CMSS1: variants seen among roughly 807,000 people sequenced by gnomAD.
CMSS1 encodes the protein cms1 ribosomal small subunit homolog.
Under a neutral mutation model 43.5 loss-of-function variants are expected in CMSS1, and 33 were observed. The observed-to-expected ratio is 0.76, with a 90% CI of 0.57 to 1.01. The LOEUF (loss-of-function observed/expected upper bound fraction) is 1.01, where lower values mean the gene tolerates loss of function less well. Ranked by LOEUF, CMSS1 falls within the 50% of genes least tolerant of loss-of-function variation. CMSS1 has a pLI of 0.00. For missense variants in CMSS1, 313 were observed against 326.4 expected (o/e 0.96, Z 0.32); for synonymous variants, 115 against 117.2 (o/e 0.98, Z 0.12).
intron 1 of CMSS1, among the ~76,000 whole-genome samples, chr3:99,962,240 A>G (rs1486622594): frequency 6.6e-6 from 1 of 152,054 alleles, no homozygotes; most frequent in Non-Finnish European, 1.5e-5. Flanking sequence ...AGGAGTGGGG[A>G]AAACAGATGC....
intron 1 of CMSS1, among the ~76,000 whole-genome samples, chr3:99,825,558 A>G (rs1005567632): frequency 6.6e-6 from 1 of 152,174 alleles, no homozygotes; most frequent in African/African-American, 2.4e-5. Flanking sequence ...GTGGTTCTTG[A>G]CAACAATTAC....
At position 99,851,868 on chromosome 3, in the gene CMSS1, G is replaced by C. The variant is rs9871500; in HGVS notation, c.64+33825G>C. Among the ~76,000 whole-genome samples, 761 of 152,302 alleles carry C rather than the reference G, an allele frequency of 5.0e-3. 6 individuals are homozygous for C. The highest frequency in any genetic ancestry group is 0.017 in the African/African-American group (718 of 41,568). ...TCCTCATAGTGGATAGCAATTAAAT[G>C]AGGAGAATTGAGAGACATCTGTATG... is the stretch of plus-strand genomic sequence containing the variant. On this transcript the variant is annotated intron_variant, in intron 1 of 9. Coordinates refer to ENST00000421999, the MANE Select transcript of CMSS1 (RefSeq NM_032359.4).
At chr3:99,886,414 A>AAAAAAAAAAATCGG (rs1705898874) in intron 1 of CMSS1, among the ~76,000 whole-genome samples, 1 of 142,170 alleles carries the variant, frequency 7.0e-6, no homozygotes, top group African/African-American at 2.8e-5. Flanking sequence ...ACCTGATGAG[A>AAAAAAAAAAATCGG]AAAAAAAAAA....
intron 1 of CMSS1, among the ~76,000 whole-genome samples, chr3:99,924,598 A>C (rs1459407845): frequency 1.3e-5 from 2 of 152,140 alleles, no homozygotes; most frequent in Non-Finnish European, 2.9e-5. Context: ...GACTCACTGC[A>C]ACTTCCGCCT....
intron 1 of CMSS1, among the ~76,000 whole-genome samples, chr3:99,913,037 C>A (rs894232329): frequency 6.6e-6 from 1 of 152,050 alleles, no homozygotes; most frequent in Non-Finnish European, 1.5e-5. Flanking sequence ...GAATTAGTGA[C>A]CCTCATAAGA....
intron 1 of CMSS1, among the ~76,000 whole-genome samples, chr3:100,097,927 T>C (rs1559756741): frequency 1.3e-5 from 2 of 152,232 alleles, no homozygotes; most frequent in South Asian, 4.1e-4. Flanking sequence ...TTATCATTTA[T>C]TTTGTTGGTT....
chr3:100,072,324 T>G (rs1382556339), intron 1 of CMSS1, among the ~76,000 whole-genome samples: 1 of 152,214 alleles, frequency 6.6e-6, no homozygotes, highest in Non-Finnish European at 1.5e-5. Context: ...CCCTAGTTCA[T>G]TCTGTGCATT....
rs183541947 is a variant in CMSS1, at chr3:100,169,713, A to G, written c.518+1873A>G. 8.2e-4 allele frequency among the ~76,000 whole-genome samples: 125 copies of G among 152,298 alleles called. 1 individual carries two copies. Among genetic ancestry groups the G allele is most frequent in the African/African-American group, 2.8e-3 (116 of 41,570 alleles). On this transcript the variant is annotated intron_variant, in intron 6 of 9. Transcript: ENST00000421999. ...CATTTTTTCTGCTCTAAACATAATT[A>G]TCTTGAAGATTCCAACTGCTTCCGG... is the stretch of plus-strand genomic sequence containing the variant.
chr3:100,080,468 C>A (rs1256197775), intron 1 of CMSS1, among the ~76,000 whole-genome samples: 1 of 152,158 alleles, frequency 6.6e-6, no homozygotes, highest in Non-Finnish European at 1.5e-5. Context: ...TAGACAATTT[C>A]AATTTTATAG....
At chr3:100,094,674 CTTTTTTTTTTT>C (rs71132509) in intron 1 of CMSS1, among the ~76,000 whole-genome samples, 17 of 57,012 alleles carry the variant, frequency 3.0e-4, no homozygotes, top group African/African-American at 8.0e-4. Context: ...GAAAAGCTGC[CTTTTTTTTTTT>C]TTTTTTTTTT....
chr3:99,876,081 C>CT, intron 1 of CMSS1: 8 of 986,488 alleles, frequency 8.1e-6, no homozygotes, highest in Non-Finnish European at 9.6e-6. Flanking sequence ...CCTGAACTGC[C>CT]TGCGCCGGGG....
At position 99,849,302 on chromosome 3, in the gene CMSS1, C is replaced by T. The variant is rs766486139; in HGVS notation, c.64+31259C>T. ...ACTTCTTTAGAAAATACTTGAGGAT[C>T]GGAAATTCTTCTTCCATTGAGACTA... On this transcript the variant is annotated intron_variant, in intron 1 of 9. Transcript: ENST00000421999. The T allele has an allele frequency of 3.1e-6, 5 of 1,613,962 alleles. No homozygotes were observed. The highest frequency in any genetic ancestry group is 1.7e-5 in the Admixed American group (1 of 60,002).
intron 1 of CMSS1, among the ~76,000 whole-genome samples, chr3:99,837,901 T>C (rs1321693500): frequency 6.6e-6 from 1 of 152,206 alleles, no homozygotes. Flanking sequence ...TGATTGCCTT[T>C]TCTGAAAGTC....
chr3:99,863,164 C>T (rs532763839), intron 1 of CMSS1, among the ~76,000 whole-genome samples: 139 of 152,254 alleles, frequency 9.1e-4, no homozygotes, highest in African/African-American at 3.0e-3. Context: ...CTGTCCCACT[C>T]GGATCATCAG....
chr3:99,895,410 A>C, intron 1 of CMSS1, among the ~76,000 whole-genome samples: 1 of 150,534 alleles, frequency 6.6e-6, no homozygotes. Context: ...TGTATCCCAT[A>C]ACATATGAAT....
chr3:100,158,078 CTGT>C (rs1457426703), intron 2 of CMSS1, among the ~76,000 whole-genome samples: 4 of 152,212 alleles, frequency 2.6e-5, no homozygotes. Flanking sequence ...CTCTCCATTA[CTGT>C]TGTTCTCTCT....
At chr3:99,859,590 A>G (rs2107550433) in intron 1 of CMSS1, among the ~76,000 whole-genome samples, 1 of 152,356 alleles carries the variant, frequency 6.6e-6, no homozygotes, top group African/African-American at 2.4e-5. Flanking sequence ...TCTCACAGCT[A>G]GACTTTGATA....
At chr3:99,857,864 T>TTA (rs1166711465) in intron 1 of CMSS1, among the ~76,000 whole-genome samples, 1 of 152,242 alleles carries the variant, frequency 6.6e-6, no homozygotes, top group Admixed American at 6.5e-5. Flanking sequence ...GTTTCTGATG[T>TTA]TATGAATATG....
chr3:100,024,107 C>T (rs989218692), intron 1 of CMSS1, among the ~76,000 whole-genome samples: 8 of 152,268 alleles, frequency 5.3e-5, no homozygotes, highest in South Asian at 2.1e-4. Flanking sequence ...TTCCACACTC[C>T]GTCTTCAGCT....
Sources: allele counts gnomAD v4.1 joint callset (sites outside exome capture counted in the v4.1 genomes callset), GRCh38; gene constraint gnomAD v4.1.1; transcripts MANE v1.5; gene names NCBI Gene and HGNC (gene_info 2026-07-23, HGNC 2026-07-21).